CNTNAP3B: variants seen among roughly 807,000 people sequenced by gnomAD.
CNTNAP3B encodes the protein contactin associated protein family member 3B.
CNTNAP3B carries 25 observed loss-of-function variants against 108.9 expected under a neutral mutation model. The observed-to-expected ratio is 0.23, with a 90% CI of 0.17 to 0.32. The LOEUF is 0.32. Ranked by LOEUF, CNTNAP3B falls within the 10% of genes least tolerant of loss-of-function variation. The probability of loss-of-function intolerance (pLI) is 1.00; values close to 1 mark genes in which losing one functional copy is unlikely to be tolerated. For missense variants in CNTNAP3B, 252 were observed against 1,210.4 expected (o/e 0.21, Z 11.75); for synonymous variants, 103 against 473.4 (o/e 0.22, Z 10.16).
intron 14 of CNTNAP3B, among the ~76,000 whole-genome samples, 193 bp from the exon 15 acceptor site, chr9:41,929,637 C>G (rs960323356): frequency 1.4e-5 from 2 of 138,610 alleles, no homozygotes; most frequent in Admixed American, 7.2e-5. Flanking sequence ...TGTAAAGGAC[C>G]ATACAGTAAG....
chr9:41,990,520 C>T (rs1369891657), intron 8 of CNTNAP3B, among the ~76,000 whole-genome samples: 1 of 126,802 alleles, frequency 7.9e-6, no homozygotes, highest in African/African-American at 3.2e-5. Flanking sequence ...GTCTTGAAAT[C>T]GTGCTTTCGT....
intron 12 of CNTNAP3B, chr9:41,960,129 C>T (rs1399149713): frequency 5.7e-5 from 9 of 156,618 alleles, no homozygotes; most frequent in African/African-American, 1.9e-4. Flanking sequence ...TCCCAAGTAG[C>T]TGGGACTACA....
rs1825538171 is a variant in CNTNAP3B at position 41,977,296 on chromosome 9, A to C, written c.1478-7051T>G. Among the ~76,000 whole-genome samples, 4 of 151,642 alleles carry C rather than the reference A, an allele frequency of 2.6e-5. No homozygotes were observed. In the East Asian group the frequency reaches 5.8e-4, roughly 22 times the overall value. On this transcript the variant is annotated intron_variant, in intron 9 of 23. Transcript: ENST00000377561. ...TCTGTAATCAACTTTATTTAGTATC[A>C]CTTAAAAAAATGAATAGTACTTTCA... is the stretch of plus-strand genomic sequence containing the variant.
intron 13 of CNTNAP3B, among the ~76,000 whole-genome samples, chr9:41,950,417 A>G (rs1281197847): frequency 2.2e-5 from 3 of 137,500 alleles, no homozygotes; most frequent in African/African-American, 8.2e-5. Context: ...ACTAATGTTC[A>G]CACAAAACCT....
At position 41,964,605 on chromosome 9, in the gene CNTNAP3B, G is replaced by A. The variant is rs1352592734; in HGVS notation, c.1689C>T (p.Ser563=). 4 of 1,542,942 alleles carry A rather than the reference G, an allele frequency of 2.6e-6. No homozygotes were observed. Among genetic ancestry groups the A allele is most frequent in the Admixed American group, 2.0e-5 (1 of 50,674 alleles). The change falls in exon 11 of 24, where the codon TCC becomes TCT. Residue 563 remains serine, a synonymous_variant. Transcript: ENST00000377561. ...PSYCEHGGEC[S]QSWDTFSCDC... ...CACAGGAGAAGGTGTCCCACGACTG[G>A]GAACACTCGCCCCCATGCTCACAGT...
intron 10 of CNTNAP3B, among the ~76,000 whole-genome samples, chr9:41,967,327 T>C (rs1208522871): frequency 4.6e-5 from 7 of 152,224 alleles, no homozygotes; most frequent in African/African-American, 1.4e-4. Context: ...CGAGATCTGA[T>C]GGTTTTATAA....
At chr9:42,010,285 GA>G in intron 4 of CNTNAP3B, among the ~76,000 whole-genome samples, 1 of 142,434 alleles carries the variant, frequency 7.0e-6, no homozygotes, top group Non-Finnish European at 1.5e-5. Context: ...AACAGAGACA[GA>G]ATGACCCAAA....
chr9:42,089,850 G>A (rs1470411923), intron 2 of CNTNAP3B, among the ~76,000 whole-genome samples: 2 of 139,834 alleles, frequency 1.4e-5, no homozygotes, highest in African/African-American at 2.8e-5. Flanking sequence ...ATACACCAAC[G>A]TTAATTTCCA....
At chr9:42,066,676 C>T (rs374302567) in intron 3 of CNTNAP3B, among the ~76,000 whole-genome samples, 3,422 of 91,586 alleles carry the variant, frequency 0.037, no homozygotes, top group East Asian at 0.071. Flanking sequence ...TGATCAACCT[C>T]CCAAAGTGCT....
At position 42,129,119 on chromosome 9, in the gene CNTNAP3B, G is replaced by A; in HGVS notation, c.-25C>T. 1.3e-6 allele frequency: 2 copies of A among 1,546,250 alleles called. No individual in the cohort carries two copies. The highest frequency in any genetic ancestry group is 1.8e-6 in the Non-Finnish European group (2 of 1,142,408). On this transcript the variant is annotated 5_prime_UTR_variant, in exon 1 of 24. Coordinates refer to ENST00000377561, the MANE Select transcript of CNTNAP3B (RefSeq NM_001201380.3). ...TGCTCACTTCAGCCAGGCGCCCTGAGACCCGGGCACGGCGACGGCCGCTCT... is the reference window on the plus strand; with the variant it reads ...TGCTCACTTCAGCCAGGCGCCCTGAAACCCGGGCACGGCGACGGCCGCTCT...
chr9:41,995,568 T>C (rs1161055245), intron 7 of CNTNAP3B, among the ~76,000 whole-genome samples: 1 of 133,174 alleles, frequency 7.5e-6, no homozygotes, highest in Non-Finnish European at 1.6e-5. Context: ...ACCCCGTCTC[T>C]ACTAAAAATA....
chr9:41,964,012 T>G, intron 11 of CNTNAP3B, among the ~76,000 whole-genome samples: 1 of 151,972 alleles, frequency 6.6e-6, no homozygotes, highest in Non-Finnish European at 1.5e-5. Context: ...GTAAGAGATC[T>G]TAAAGGTCCT....
At chr9:42,099,558 A>C (rs966745410) in intron 2 of CNTNAP3B, among the ~76,000 whole-genome samples, 1 of 107,068 alleles carries the variant, frequency 9.3e-6, no homozygotes, top group Middle Eastern at 5.0e-3. Context: ...TAAGTAATCC[A>C]TGTGTTTTAC....
intron 14 of CNTNAP3B, among the ~76,000 whole-genome samples, chr9:41,932,517 C>CT (rs1178493391): frequency 9.6e-5 from 12 of 124,860 alleles, no homozygotes; most frequent in South Asian, 2.5e-4. Context: ...ACTTTTTTTT[C>CT]TTCTTTTTTT....
At chr9:42,109,034 T>C (rs1302495389) in intron 1 of CNTNAP3B, among the ~76,000 whole-genome samples, 6 of 139,038 alleles carry the variant, frequency 4.3e-5, no homozygotes, top group African/African-American at 2.9e-5. Context: ...ATTTGAGGAA[T>C]TGCCCTTACC....
In CNTNAP3B at chr9:41,997,700, G is replaced by A. The variant is rs549020750; in HGVS notation, c.795C>T (p.Ser265=). 1.1e-4 allele frequency: 171 copies of A among 1,599,046 alleles called. 4 individuals are homozygous for A. The African/African-American group carries it at 2.1e-3, about 20-fold the overall frequency. ...AATGCCAGTGCTGGTCATCCAGCAG[G>A]CTGCCCAGGGTGAGGGTCACAGGAG... ...TIAPVTLTLG[S]LLDDQHWHSV... The change falls in exon 6 of 24, where the codon AGC becomes AGT. Residue 265 remains serine, a synonymous_variant. Transcript: ENST00000377561.
chr9:42,041,423 C>A (rs1587223359), intron 3 of CNTNAP3B, among the ~76,000 whole-genome samples: 1 of 151,462 alleles, frequency 6.6e-6, no homozygotes, highest in Non-Finnish European at 1.5e-5. Flanking sequence ...AGAAAGTGGG[C>A]AAAGGATATG....
chr9:42,078,695 G>C lies in CNTNAP3B; in HGVS notation c.197-1633C>G, dbSNP rs1222445652. Among the ~76,000 whole-genome samples the C allele has an allele frequency of 1.4e-4, 18 of 129,194 alleles. No homozygotes were observed. In the East Asian group the frequency reaches 3.5e-3, roughly 25 times the overall value. The allele number at this position is 129,194 out of a possible 152,430, so 84.8% of individuals were successfully genotyped here. Reference sequence around the variant, plus strand: ...AGTTAAATGTTCTGCTATAGATCAGGGGCATCCTCCACTCATGCAACATGG... The same window carrying C: ...AGTTAAATGTTCTGCTATAGATCAGCGGCATCCTCCACTCATGCAACATGG... On this transcript the variant is annotated intron_variant, in intron 2 of 23. Transcript: ENST00000377561.
intron 17 of CNTNAP3B, among the ~76,000 whole-genome samples, chr9:41,921,748 C>T (rs1823673244): frequency 6.6e-6 from 1 of 151,946 alleles, no homozygotes; most frequent in Non-Finnish European, 1.5e-5. Context: ...AACAGATGAG[C>T]CAGACCGGGT....
Sources: allele counts gnomAD v4.1 joint callset (sites outside exome capture counted in the v4.1 genomes callset), GRCh38; gene constraint gnomAD v4.1.1; transcripts MANE v1.5; gene names NCBI Gene and HGNC (gene_info 2026-07-23, HGNC 2026-07-21).